The following FAM178B variants were observed in gnomAD, a reference collection of about 807,000 sequenced individuals.
The protein encoded by FAM178B is family with sequence similarity 178 member B, also known as protein FAM178B.
FAM178B carries 82 observed loss-of-function variants against 91.7 expected under a neutral mutation model. The observed-to-expected ratio is 0.89, with a 90% CI of 0.75 to 1.07. The LOEUF (loss-of-function observed/expected upper bound fraction) is 1.07. FAM178B is among the 50% of genes least tolerant of loss of function. The pLI is 0.00. For synonymous variants in FAM178B, 368 were observed against 359.4 expected (o/e 1.02, Z -0.27); for missense variants, 769 against 846.7 (o/e 0.91, Z 1.14).
intron 1 of FAM178B, chr2:96,978,020 G>A (rs1241025791): frequency 5.7e-5 from 23 of 406,272 alleles, no homozygotes; most frequent in Admixed American, 8.9e-5. Context: ...CATTGCTAAC[G>A]GAAAAAAAAT....
intron 16 of FAM178B, 95 bp from the exon 17 acceptor site, chr2:96,876,403 C>T: frequency 6.8e-7 from 1 of 1,477,370 alleles, no homozygotes; most frequent in African/African-American, 1.4e-5. Context: ...ATTCAGCACC[C>T]ATCGCAGGCT....
Position 96,905,818 on chromosome 2 carries a change from G to GTATA in FAM178B, c.1563-3115_1563-3112dup, listed in dbSNP as rs1226987241. Among the ~76,000 whole-genome samples the GTATA allele has an allele frequency of 1.3e-3, 44 of 34,186 alleles. 1 individual carries two copies. The highest frequency in any genetic ancestry group is 0.019 in the Middle Eastern group (1 of 52). The allele number at this position is 34,186 out of a possible 152,430, so 22.4% of individuals were successfully genotyped here. On this transcript the variant is annotated intron_variant, in intron 12 of 16. Coordinates refer to ENST00000490605, the MANE Select transcript of FAM178B (RefSeq NM_001122646.3). The stretch of plus-strand genomic sequence containing the variant: ...TACACAAAAATATACATATATGTGT[G>GTATA]TATATATATATATATATATATATAT...
chr2:96,974,201 T>C (rs1455702748), intron 1 of FAM178B, among the ~76,000 whole-genome samples: 4 of 149,930 alleles, frequency 2.7e-5, no homozygotes, highest in African/African-American at 9.8e-5. Flanking sequence ...GCTAACACAG[T>C]GAAACCCCAT....
At chr2:96,979,608 G>A (rs955806506) in intron 1 of FAM178B, among the ~76,000 whole-genome samples, 9 of 152,220 alleles carry the variant, frequency 5.9e-5, no homozygotes, top group African/African-American at 9.6e-5. Flanking sequence ...TGCAAGTGTC[G>A]TTTTGATATA....
At chr2:96,950,596 C>G (rs902736627) in intron 7 of FAM178B, among the ~76,000 whole-genome samples, 1 of 152,202 alleles carries the variant, frequency 6.6e-6, no homozygotes, top group Non-Finnish European at 1.5e-5. Flanking sequence ...TGTCCCCAGA[C>G]AGGGACGATT....
At chr2:96,878,915 C>T (rs776665048) in intron 14 of FAM178B, among the ~76,000 whole-genome samples, 8 of 152,206 alleles carry the variant, frequency 5.3e-5, no homozygotes, top group Non-Finnish European at 7.3e-5. Context: ...CCTGGACAGT[C>T]GCCTTGCTGA....
intron 12 of FAM178B, among the ~76,000 whole-genome samples, chr2:96,903,707 G>C (rs1422840427): frequency 6.6e-6 from 1 of 152,220 alleles, no homozygotes; most frequent in South Asian, 2.1e-4. Context: ...AGAATGCCCA[G>C]AGACAGCTGT....
chr2:96,936,548 C>A (rs13009659), intron 8 of FAM178B, among the ~76,000 whole-genome samples: 71,318 of 144,566 alleles, frequency 0.49, 20,336 homozygotes, highest in Non-Finnish European at 0.66. Context: ...TTTGTTCTGT[C>A]CCCCAGGCTG....
chr2:96,955,337 C>T (rs575580994), intron 6 of FAM178B, among the ~76,000 whole-genome samples: 5 of 152,232 alleles, frequency 3.3e-5, no homozygotes, highest in African/African-American at 1.2e-4. Flanking sequence ...AGTGAAACCC[C>T]GTCTCTACTA....
chr2:96,951,500 C>G lies in FAM178B; in HGVS notation c.888-16G>C, dbSNP rs572645160. The G allele has an allele frequency of 3.9e-6, 6 of 1,546,262 alleles. No individual in the cohort carries two copies. In the South Asian group the frequency reaches 7.1e-5, roughly 18 times the overall value. The stretch of plus-strand genomic sequence containing the variant: ...TGGCGGGGAGCTGGGAGGCAGAGGG[C>G]TGAGGTTAGGGGAGGCCTCTGTGCC... On this transcript the variant is annotated splice_polypyrimidine_tract_variant and intron_variant, in intron 6 of 16. Coordinates refer to ENST00000490605, the MANE Select transcript of FAM178B (RefSeq NM_001122646.3).
intron 14 of FAM178B, among the ~76,000 whole-genome samples, chr2:96,878,881 G>A (rs1455888560): frequency 6.6e-6 from 1 of 152,208 alleles, no homozygotes; most frequent in African/African-American, 2.4e-5. Flanking sequence ...CTGTTCCCTG[G>A]GACACCAAAA....
At chr2:96,976,067 A>G (rs2082283680) in intron 1 of FAM178B, among the ~76,000 whole-genome samples, 1 of 152,086 alleles carries the variant, frequency 6.6e-6, no homozygotes, top group African/African-American at 2.4e-5. Flanking sequence ...AGGATAGACC[A>G]TATGGTATAT....
chr2:96,945,272 ACC>A (rs949308451), intron 8 of FAM178B, among the ~76,000 whole-genome samples: 4 of 150,486 alleles, frequency 2.7e-5, no homozygotes, highest in Non-Finnish European at 5.9e-5. Context: ...TTACCGCCCC[ACC>A]CCCCACACAC....
Position 96,890,755 on chromosome 2 carries a change from G to C in FAM178B, c.1776+3171C>G, listed in dbSNP as rs550274537. Among the ~76,000 whole-genome samples, 13 of 152,270 alleles carry C rather than the reference G, an allele frequency of 8.5e-5. No homozygotes were observed. In the South Asian group the frequency reaches 1.4e-3, roughly 17 times the overall value. On this transcript the variant is annotated intron_variant, in intron 14 of 16. Coordinates refer to ENST00000490605, the MANE Select transcript of FAM178B (RefSeq NM_001122646.3). ...CGAATTGGTATCCATGGGCCAAAGG[G>C]AGTACTTAGAGGCCAACTCTAAGTA...
chr2:96,901,331 C>T (rs1379534588), intron 13 of FAM178B, among the ~76,000 whole-genome samples: 1 of 151,794 alleles, frequency 6.6e-6, no homozygotes, highest in African/African-American at 2.4e-5. Flanking sequence ...TGCCAGCATG[C>T]CCGGCTAATT....
At chr2:96,901,006 G>A (rs1385424516) in intron 13 of FAM178B, among the ~76,000 whole-genome samples, 3 of 152,074 alleles carry the variant, frequency 2.0e-5, no homozygotes, top group Non-Finnish European at 4.4e-5. Context: ...AGGATTCCAG[G>A]AAGATTACTG....
intron 12 of FAM178B, among the ~76,000 whole-genome samples, chr2:96,910,137 G>C (rs1192730389): frequency 6.6e-6 from 1 of 152,164 alleles, no homozygotes; most frequent in African/African-American, 2.4e-5. Context: ...ATGATTTCTT[G>C]TTAGGACTCC....
chr2:96,894,713 T>C (rs57632006), intron 13 of FAM178B, among the ~76,000 whole-genome samples: 23,454 of 51,734 alleles, frequency 0.45, 6,881 homozygotes, highest in African/African-American at 0.86. Flanking sequence ...ACCCACTCAC[T>C]GACATACACA....
intron 12 of FAM178B, among the ~76,000 whole-genome samples, chr2:96,908,662 C>G (rs772536424): frequency 7.9e-5 from 12 of 152,204 alleles, no homozygotes; most frequent in Non-Finnish European, 1.3e-4. Context: ...GGCAGACATT[C>G]TGTCCCATGG....
Sources: gnomAD v4.1 joint callset for allele counts (sites outside exome capture counted in the v4.1 genomes callset) on GRCh38, gnomAD v4.1.1 for gene constraint, MANE v1.5 for transcripts, NCBI Gene and HGNC (gene_info 2026-07-23, HGNC 2026-07-21) for gene names.